Variants in SNTB2 observed in about 807,000 individuals in gnomAD.
SNTB2 encodes syntrophin beta 2, also known as beta-2-syntrophin.
SNTB2 carries 34 observed loss-of-function variants against 46.2 expected under a neutral mutation model. That is an observed-to-expected ratio of 0.74 (90% CI 0.56 to 0.98). The LOEUF is 0.98. SNTB2 is among the 50% of genes least tolerant of loss of function. The pLI is 0.00. For synonymous variants in SNTB2, 290 were observed against 312.6 expected (o/e 0.93, Z 0.76); for missense variants, 603 against 731.4 (o/e 0.82, Z 2.02).
chr16:69,249,225 T>C (rs1224609667), intron 2 of SNTB2, among the ~76,000 whole-genome samples: 1 of 151,910 alleles, frequency 6.6e-6, no homozygotes, highest in Non-Finnish European at 1.5e-5. Context: ...AGGGTTTTGC[T>C]ACATTGCCCA....
rs1965279094 is a variant in SNTB2 at position 69,301,819 on chromosome 16, T to A, written c.*895T>A. 6.6e-6 allele frequency: 1 copy of A among 152,632 alleles called. No individual in the cohort carries two copies. The highest frequency in any genetic ancestry group is 2.1e-4 in the South Asian group (1 of 4,828). The allele number at this position is 152,632 out of a possible 1,614,324, so 9.5% of individuals were successfully genotyped here. ...TAGTGGAGCTTTATTAGTCACTATT[T>A]GAATAACTGGAAATCACTGCCATTT... On this transcript the variant is annotated 3_prime_UTR_variant, in exon 7 of 7. Coordinates refer to ENST00000336278, the MANE Select transcript of SNTB2 (RefSeq NM_006750.4).
chr16:69,212,934 A>G (rs986167654), intron 1 of SNTB2, among the ~76,000 whole-genome samples: 2 of 152,146 alleles, frequency 1.3e-5, no homozygotes, highest in Non-Finnish European at 2.9e-5. Context: ...TGCCCAGCCT[A>G]TGTTATTTTT....
chr16:69,272,491 GA>G (rs1417068483), intron 4 of SNTB2, among the ~76,000 whole-genome samples: 2 of 145,390 alleles, frequency 1.4e-5, no homozygotes, highest in Non-Finnish European at 3.0e-5. Context: ...TGTGAGCTGA[GA>G]TTGCACCACG....
At chr16:69,228,229 G>T (rs750489145) in intron 1 of SNTB2, among the ~76,000 whole-genome samples, 42 of 151,984 alleles carry the variant, frequency 2.8e-4, no homozygotes, top group Non-Finnish European at 3.7e-4. Flanking sequence ...ATTATGACCG[G>T]CCGCGGTGGC....
intron 5 of SNTB2, among the ~76,000 whole-genome samples, chr16:69,299,055 C>T (rs1191250146): frequency 6.6e-6 from 1 of 152,110 alleles, no homozygotes; most frequent in Non-Finnish European, 1.5e-5. Flanking sequence ...TATGAGTGTT[C>T]AGTGGGTACT....
chr16:69,227,192 A>C (rs761989477), intron 1 of SNTB2, among the ~76,000 whole-genome samples: 2 of 152,232 alleles, frequency 1.3e-5, no homozygotes, highest in Non-Finnish European at 2.9e-5. Flanking sequence ...AGGACAGACA[A>C]ATTAGGACTG....
At chr16:69,273,128 T>C (rs954954026) in intron 4 of SNTB2, among the ~76,000 whole-genome samples, 4 of 152,168 alleles carry the variant, frequency 2.6e-5, no homozygotes, top group African/African-American at 4.8e-5. Context: ...CTTCATACAC[T>C]GCTGGTGAGA....
chr16:69,295,671 T>A (rs1175784804), intron 5 of SNTB2, among the ~76,000 whole-genome samples: 1 of 149,758 alleles, frequency 6.7e-6, no homozygotes, highest in Non-Finnish European at 1.5e-5. Context: ...CATTAATAAG[T>A]CCCAGATGCT....
intron 5 of SNTB2, among the ~76,000 whole-genome samples, chr16:69,294,681 C>T (rs1205956321): frequency 1.3e-5 from 2 of 151,930 alleles, no homozygotes; most frequent in African/African-American, 2.4e-5. Context: ...TGCAGTGAGC[C>T]GAGATCATGC....
intron 5 of SNTB2, among the ~76,000 whole-genome samples, chr16:69,292,385 ATATAT>A (rs1166443540): frequency 0.021 from 334 of 16,050 alleles, 57 homozygotes; most frequent in Middle Eastern, 0.033. Flanking sequence ...TATATTATAT[ATATAT>A]TATATATATA....
chr16:69,278,054 C>T lies in SNTB2; in HGVS notation c.1149-5994C>T, dbSNP rs997389882. On this transcript the variant is annotated intron_variant, in intron 4 of 6. Transcript: ENST00000336278. Reference sequence around the variant, plus strand: ...AAAATGAGCCAGGCACGGCGGCACGCGCCTATTGTCCCAACTACTTGGGAG... The same window carrying T: ...AAAATGAGCCAGGCACGGCGGCACGTGCCTATTGTCCCAACTACTTGGGAG... 5.3e-5 allele frequency among the ~76,000 whole-genome samples: 8 copies of T among 152,114 alleles called. No individual in the cohort carries two copies. The East Asian group carries it at 5.8e-4, about 11-fold the overall frequency.
Position 69,245,684 on chromosome 16 carries a change from G to A in SNTB2, c.663G>A (p.Gln221=), listed in dbSNP as rs1195862931. 6.2e-6 allele frequency: 10 copies of A among 1,613,980 alleles called. No homozygotes were observed. Among genetic ancestry groups the A allele is most frequent in the East Asian group, 2.2e-5 (1 of 44,898 alleles). The change falls in exon 2 of 7, where the codon CAG becomes CAA. Residue 221 remains glutamine (Q), a synonymous_variant. Coordinates refer to ENST00000336278, the MANE Select transcript of SNTB2 (RefSeq NM_006750.4). ...SDLPWEGAAP[Q]SPSFSGSEDS... is the part of the protein sequence containing the mutation. ...TGCCGTGGGAAGGTGCAGCCCCCCAGTCACCAAGCTTTAGTGGCAGTGAGG... is the reference window on the plus strand; with the variant it reads ...TGCCGTGGGAAGGTGCAGCCCCCCAATCACCAAGCTTTAGTGGCAGTGAGG...
At chr16:69,202,360 A>G (rs1479779803) in intron 1 of SNTB2, among the ~76,000 whole-genome samples, 1 of 150,872 alleles carries the variant, frequency 6.6e-6, no homozygotes, top group Non-Finnish European at 1.5e-5. Flanking sequence ...GGTAGTTACT[A>G]TTCATACTAA....
intron 2 of SNTB2, among the ~76,000 whole-genome samples, chr16:69,252,413 C>A (rs113262366): frequency 2.6e-5 from 4 of 152,260 alleles, no homozygotes; most frequent in African/African-American, 9.6e-5. Context: ...CCTTCCTTAG[C>A]AATCAGTATT....
At chr16:69,288,957 A>T (rs1227206010) in intron 5 of SNTB2, among the ~76,000 whole-genome samples, 1 of 152,158 alleles carries the variant, frequency 6.6e-6, no homozygotes, top group Non-Finnish European at 1.5e-5. Flanking sequence ...CAAATGTGGC[A>T]TGTTCTCACT....
At chr16:69,256,096 G>C (rs1251375758) in intron 2 of SNTB2, among the ~76,000 whole-genome samples, 1 of 151,916 alleles carries the variant, frequency 6.6e-6, no homozygotes, top group Non-Finnish European at 1.5e-5. Context: ...TGAGGCAGGA[G>C]AATCGCTTGA....
chr16:69,295,049 G>A (rs1034655920), intron 5 of SNTB2, among the ~76,000 whole-genome samples: 21 of 151,766 alleles, frequency 1.4e-4, no homozygotes, highest in Non-Finnish European at 2.9e-4. Context: ...TCGAACTCCT[G>A]AGCTCAGGCA....
In SNTB2 at chr16:69,205,730, G is replaced by T. The variant is rs117778429; in HGVS notation, c.580+17984G>T. Among the ~76,000 whole-genome samples, 343 of 151,892 alleles carry T rather than the reference G, an allele frequency of 2.3e-3. 6 individuals carry two copies. Among genetic ancestry groups the T allele is most frequent in the Admixed American group, 0.015 (227 of 15,234 alleles). On this transcript the variant is annotated intron_variant, in intron 1 of 6. Transcript: ENST00000336278. The stretch of plus-strand genomic sequence containing the variant: ...GCTTCTTTCATATTTCTCACATATG[G>T]CCCCCTAGTGATCCCAGACAAAGAA...
Position 69,187,459 on chromosome 16 carries a change from C to A in SNTB2, c.293C>A (p.Ala98Glu). The A allele has an allele frequency of 1.2e-5, 14 of 1,180,442 alleles. No homozygotes were observed. Among genetic ancestry groups the A allele is most frequent in the African/African-American group, 1.6e-5 (1 of 62,032 alleles). 73.1% of individuals were successfully genotyped at this position (1,180,442 alleles called of 1,614,324 possible). A position where few individuals can be genotyped will look rare whatever the true frequency, so the allele number is the denominator to read the frequency against. Residue 98 changes from alanine (A) to glutamate (E), a missense_variant, in exon 1 of 7, where the codon GCG (alanine) becomes GAG (glutamate). This residue lies in a region of SNTB2 where 537 missense variants were observed against 692.4 expected (regional missense o/e 0.78). Coordinates refer to ENST00000336278, the MANE Select transcript of SNTB2 (RefSeq NM_006750.4). ...SRGLGPPSPP[A>E]PPRGPAGEAG... ...GGCCTGGGGCCCCCGAGCCCGCCGG[C>A]GCCGCCTCGGGGCCCCGCGGGTGAG...
Sources: gnomAD v4.1 joint callset for allele counts (sites outside exome capture counted in the v4.1 genomes callset) on GRCh38, gnomAD v4.1.1 for gene constraint, gnomAD v4.1.1 regional missense constraint, MANE v1.5 for transcripts, NCBI Gene and HGNC (gene_info 2026-07-23, HGNC 2026-07-21) for gene names.